Variants in PLD5 observed in about 807,000 individuals in gnomAD.
PLD5 encodes phospholipase D family member 5, also known as inactive phospholipase D5.
In PLD5, 36 loss-of-function variants were observed where a neutral mutation model predicts 61.1. That is an observed-to-expected ratio of 0.59 (90% CI 0.45 to 0.78). The LOEUF (loss-of-function observed/expected upper bound fraction) is 0.78. Among genes scored for constraint, PLD5 ranks in the 30% least tolerant of loss-of-function variants. The probability of loss-of-function intolerance (pLI) is 0.00; values close to 1 mark genes in which losing one functional copy is unlikely to be tolerated. For synonymous variants in PLD5, 243 were observed against 242.8 expected (o/e 1.00, Z -0.01); for missense variants, 515 against 644.4 (o/e 0.80, Z 2.17).
intron 1 of PLD5, among the ~76,000 whole-genome samples, chr1:242,516,845 C>T (rs958683594): frequency 2.6e-5 from 4 of 152,232 alleles, no homozygotes; most frequent in African/African-American, 9.6e-5. Flanking sequence ...TCAATACACA[C>T]ACACACAAAC....
At chr1:242,449,065 G>A (rs778234824) in intron 1 of PLD5, among the ~76,000 whole-genome samples, 4 of 152,142 alleles carry the variant, frequency 2.6e-5, no homozygotes, top group South Asian at 2.1e-4. Flanking sequence ...TGCATTAATC[G>A]GGGTTTACAT....
At chr1:242,486,689 G>A (rs1414793021) in intron 1 of PLD5, among the ~76,000 whole-genome samples, 1 of 152,124 alleles carries the variant, frequency 6.6e-6, no homozygotes, top group Non-Finnish European at 1.5e-5. Context: ...AATACCATTT[G>A]ACCCAGCCAT....
intron 1 of PLD5, among the ~76,000 whole-genome samples, chr1:242,425,485 G>C (rs1409081432): frequency 1.5e-4 from 23 of 152,162 alleles, no homozygotes; most frequent in Admixed American, 1.5e-3. Flanking sequence ...GTTGCTCTGG[G>C]TGAGTCAGTG....
chr1:242,221,207 A>G (rs1230551252), intron 4 of PLD5, among the ~76,000 whole-genome samples: 1 of 152,208 alleles, frequency 6.6e-6, no homozygotes, highest in African/African-American at 2.4e-5. Flanking sequence ...CTTCAAATGC[A>G]TTTACAAACC....
At chr1:242,120,770 AC>A (rs1228443215) in intron 6 of PLD5, among the ~76,000 whole-genome samples, 12 of 152,208 alleles carry the variant, frequency 7.9e-5, no homozygotes, top group African/African-American at 2.9e-4. Context: ...CCAAAAAGAA[AC>A]CTACAAGACA....
intron 9 of PLD5, among the ~76,000 whole-genome samples, chr1:242,093,335 G>A (rs148265387): frequency 1.1e-4 from 16 of 152,278 alleles, no homozygotes; most frequent in Admixed American, 2.0e-4. Context: ...TATTCATTCC[G>A]TAAGCAAAAG....
chr1:242,277,337 G>A (rs193106581), intron 3 of PLD5, among the ~76,000 whole-genome samples: 1 of 152,156 alleles, frequency 6.6e-6, no homozygotes, highest in East Asian at 1.9e-4. Context: ...AAACCTCACT[G>A]CAGTGAGATT....
chr1:242,222,595 A>G (rs535398009), intron 4 of PLD5, among the ~76,000 whole-genome samples: 1 of 152,226 alleles, frequency 6.6e-6, no homozygotes, highest in Non-Finnish European at 1.5e-5. Context: ...TTTGCATCAG[A>G]CTGTTTATGA....
intron 5 of PLD5, among the ~76,000 whole-genome samples, chr1:242,165,993 C>G (rs1304574997): frequency 6.6e-6 from 1 of 152,214 alleles, no homozygotes; most frequent in African/African-American, 2.4e-5. Flanking sequence ...CTGCCCCGCA[C>G]CACACCCTGA....
At chr1:242,304,610 A>G (rs984770818) in intron 2 of PLD5, among the ~76,000 whole-genome samples, 8 of 152,254 alleles carry the variant, frequency 5.3e-5, no homozygotes, top group African/African-American at 1.9e-4. Flanking sequence ...GCAATAAATT[A>G]GTTTCTATAA....
At chr1:242,385,898 A>C (rs1480875215) in intron 1 of PLD5, among the ~76,000 whole-genome samples, 1 of 152,130 alleles carries the variant, frequency 6.6e-6, no homozygotes, top group Non-Finnish European at 1.5e-5. Flanking sequence ...GCTGTAGTGA[A>C]ATGCCATACA....
chr1:242,354,757 C>G (rs1295805155), intron 1 of PLD5, among the ~76,000 whole-genome samples: 1 of 151,406 alleles, frequency 6.6e-6, no homozygotes, highest in Middle Eastern at 3.4e-3. Flanking sequence ...ATAATGTTAT[C>G]TGTGAGATTA....
rs1669368598 is a variant in PLD5, at chr1:242,524,173, C to G, written c.104G>C (p.Arg35Pro). Reference sequence around the variant, plus strand: ...GCTGCTGTAGAAGTTCGCGCCCACTCGGGTCAGGCTTGGGGAGGGCTCCTT... The same window carrying G: ...GCTGCTGTAGAAGTTCGCGCCCACTGGGGTCAGGCTTGGGGAGGGCTCCTT... The part of the protein sequence containing the change: ...RPKEPSPSLT[R>P]VGANFYSSVK... The change falls in exon 1 of 10, where the codon CGA (arginine) becomes CCA (proline). Residue 35 changes from arginine to proline, a missense_variant. Physicochemically the swap from Arg to Pro is moderately radical, Grantham distance 103. This residue lies in a region of PLD5 where 65 missense variants were observed against 46.3 expected (regional missense o/e 1.40). Coordinates refer to ENST00000536534, the MANE Select transcript of PLD5 (RefSeq NM_001372062.1). The G allele has an allele frequency of 6.5e-7, 1 of 1,535,426 alleles. No homozygotes were observed. Among genetic ancestry groups the G allele is most frequent in the Non-Finnish European group, 8.7e-7 (1 of 1,146,530 alleles).
At chr1:242,184,078 G>T (rs1030870394) in intron 5 of PLD5, among the ~76,000 whole-genome samples, 1 of 152,156 alleles carries the variant, frequency 6.6e-6, no homozygotes, top group Non-Finnish European at 1.5e-5. Flanking sequence ...GACCTGTTCA[G>T]CACTGCACAG....
At chr1:242,098,609 C>T (rs950422665) in intron 9 of PLD5, among the ~76,000 whole-genome samples, 20 of 152,292 alleles carry the variant, frequency 1.3e-4, no homozygotes, top group African/African-American at 2.9e-4. Context: ...TGAGGAGCTG[C>T]GTTCCTTTGG....
intron 1 of PLD5, among the ~76,000 whole-genome samples, chr1:242,409,035 C>A (rs1399939032): frequency 6.6e-6 from 1 of 151,542 alleles, no homozygotes; most frequent in Admixed American, 6.6e-5. Flanking sequence ...CCACTGCACT[C>A]CAGTCTGTGT....
chr1:242,528,291 T>C (rs1475953531), upstream of PLD5, among the ~76,000 whole-genome samples: 1 of 152,214 alleles, frequency 6.6e-6, no homozygotes, highest in Non-Finnish European at 1.5e-5. Context: ...GTATAAACTA[T>C]AGAGTCCAAT....
chr1:242,526,416 A>C (rs1292505807), upstream of PLD5, among the ~76,000 whole-genome samples: 1 of 151,948 alleles, frequency 6.6e-6, no homozygotes, highest in Non-Finnish European at 1.5e-5. Context: ...ATTGTATAGC[A>C]TCTCTGATAA....
At chr1:242,383,059 T>A (rs1449648735) in intron 1 of PLD5, among the ~76,000 whole-genome samples, 4 of 152,172 alleles carry the variant, frequency 2.6e-5, no homozygotes, top group Non-Finnish European at 5.9e-5. Context: ...ATCTACTACA[T>A]CATTCTCCTG....
Sources: gnomAD v4.1 joint callset for allele counts (sites outside exome capture counted in the v4.1 genomes callset) on GRCh38, gnomAD v4.1.1 for gene constraint, gnomAD v4.1.1 regional missense constraint, MANE v1.5 for transcripts, NCBI Gene and HGNC (gene_info 2026-07-23, HGNC 2026-07-21) for gene names.